DST: variants seen among roughly 807,000 people sequenced by gnomAD.
The protein encoded by DST is bullous pemphigoid antigen.
A neutral mutation model predicts 875.2 loss-of-function variants in DST; 253 were observed. The ratio of observed to expected loss-of-function variants is 0.29; its 90% CI spans 0.26 to 0.32. DST has a LOEUF of 0.32. DST is among the 10% of genes least tolerant of loss of function. The pLI is 1.00. For synonymous variants in DST, 3,124 were observed against 3,197.1 expected, an observed-to-expected ratio of 0.98 and a Z score of 0.77; for missense variants, 8,287 against 9,111.6, an observed-to-expected ratio of 0.91 and a Z score of 3.68.
In DST at chr6:56,605,539, C is replaced by T. The variant is rs746884487; in HGVS notation, c.9089G>A (p.Ser3030Asn). The T allele has an allele frequency of 1.7e-5, 27 of 1,613,058 alleles. No individual in the cohort carries two copies. In the South Asian group the frequency reaches 2.6e-4, roughly 16 times the overall value. ...VTDKDPQGNG[S>N]DLIKGRDGKS... ...GCCATCTCTCCCTTTAATGAGATCG[C>T]TTCCATTTCCTTGAGGATCTTTGTC... Residue 3030 changes from serine (S) to asparagine (N), a missense_variant, in exon 40 of 104, where the codon AGC (serine) becomes AAC (asparagine). Coordinates refer to ENST00000680361, the MANE Select transcript of DST (RefSeq NM_001374736.1).
chr6:56,465,993 A>G, intron 99 of DST, 85 bp downstream of exon 99: 1 of 1,148,466 alleles, frequency 8.7e-7, no homozygotes. Context: ...TAAATGACCA[A>G]AATTATGCCC....
At chr6:56,548,646 GACAA>G (rs1447042766) in intron 61 of DST, among the ~76,000 whole-genome samples, 1 of 152,176 alleles carries the variant, frequency 6.6e-6, no homozygotes, top group Non-Finnish European at 1.5e-5. Flanking sequence ...CCTGCCTAGA[GACAA>G]ACAGAATCGC....
intron 3 of DST, among the ~76,000 whole-genome samples, chr6:56,857,235 C>A (rs1008832178): frequency 6.6e-6 from 1 of 152,088 alleles, no homozygotes; most frequent in Non-Finnish European, 1.5e-5. Flanking sequence ...CCAGGCTGCT[C>A]GCAAACTCCT....
chr6:56,503,911 G>C (rs2096229564), intron 78 of DST, 86 bp downstream of exon 78: 2 of 894,010 alleles, frequency 2.2e-6, no homozygotes, highest in East Asian at 5.6e-5. Flanking sequence ...ACTTACATTA[G>C]GTAAAATAAA....
At chr6:56,590,604 T>C (rs2098254684) in intron 49 of DST, among the ~76,000 whole-genome samples, 2 of 151,714 alleles carry the variant, frequency 1.3e-5, no homozygotes, top group Admixed American at 1.3e-4. Context: ...CTTGTACCTG[T>C]GGAAAGGAGA....
At chr6:56,535,061 A>AT (rs2096968807) in intron 63 of DST, 61 bp downstream of exon 63, 9 of 1,585,808 alleles carry the variant, frequency 5.7e-6, no homozygotes, top group East Asian at 2.3e-5. Flanking sequence ...CACAATTTGC[A>AT]TTTTTTCTCT....
intron 4 of DST, among the ~76,000 whole-genome samples, chr6:56,816,730 G>C (rs2099766995): frequency 6.6e-6 from 1 of 152,056 alleles, no homozygotes; most frequent in Non-Finnish European, 1.5e-5. Flanking sequence ...TCGCAGTCGG[G>C]TTGGTCTATG....
intron 63 of DST, among the ~76,000 whole-genome samples, chr6:56,533,552 AT>A (rs2096935811): frequency 6.6e-6 from 1 of 152,246 alleles, no homozygotes; most frequent in Admixed American, 6.5e-5. Flanking sequence ...TACTAAAGTC[AT>A]GATATAATCA....
chr6:56,597,167 G>A (rs1449567540), intron 47 of DST, among the ~76,000 whole-genome samples: 4 of 151,798 alleles, frequency 2.6e-5, no homozygotes, highest in Non-Finnish European at 4.4e-5. Flanking sequence ...TTGGGCCAGG[G>A]AGTTTGAGGC....
At chr6:56,532,213 G>C in intron 64 of DST, 131 bp downstream of exon 64, 1 of 820,368 alleles carries the variant, frequency 1.2e-6, no homozygotes, top group Middle Eastern at 2.6e-4. Context: ...TACAATCTTT[G>C]CTATCTCTGT....
At chr6:56,678,452 AT>A (rs2099141141) in intron 9 of DST, among the ~76,000 whole-genome samples, 1 of 152,332 alleles carries the variant, frequency 6.6e-6, no homozygotes, top group South Asian at 2.1e-4. Context: ...AAGAAACATA[AT>A]TTTTTCTTCA....
intron 34 of DST, among the ~76,000 whole-genome samples, 170 bp downstream of exon 34, chr6:56,627,034 G>A (rs1401951693): frequency 6.6e-6 from 1 of 152,152 alleles, no homozygotes; most frequent in Non-Finnish European, 1.5e-5. Context: ...CGAATGAACT[G>A]GGGGGCTGTC....
chr6:56,604,981 T>A lies in DST; in HGVS notation c.9647A>T (p.Glu3216Val). The change falls in exon 40 of 104, where the codon GAA becomes GTA. Residue 3216 changes from glutamate (E) to valine (V), a missense_variant. By Grantham distance (121) the Glu-to-Val change is moderately radical. Around this residue, in one of 10 missense-constraint regions of DST, gnomAD observed 3,138 missense variants for 3,116.6 expected, o/e 1.01. Coordinates refer to ENST00000680361, the MANE Select transcript of DST (RefSeq NM_001374736.1). ...ATTATTAACTCCTAATTGTAAATGT[T>A]CTTTCATGGGAGGGGCAGTTATTAA... is the stretch of plus-strand genomic sequence containing the variant. ...HVLITAPPMK[E>V]HLQLGVNNTK... 1 of 1,612,920 alleles carries A rather than the reference T, an allele frequency of 6.2e-7. No individual in the cohort carries two copies. The highest frequency in any genetic ancestry group is 8.5e-7 in the Non-Finnish European group (1 of 1,179,254).
At chr6:56,586,634 C>T (rs1199222304) in intron 49 of DST, among the ~76,000 whole-genome samples, 2 of 152,114 alleles carry the variant, frequency 1.3e-5, no homozygotes, top group East Asian at 1.9e-4. Flanking sequence ...CCCTGACCCC[C>T]GAGCAGCCTA....
At chr6:56,579,538 G>GA (rs1419023311) in intron 49 of DST, among the ~76,000 whole-genome samples, 1 of 152,164 alleles carries the variant, frequency 6.6e-6, no homozygotes, top group South Asian at 2.1e-4. Context: ...AGGTGAGTCT[G>GA]AAAAAATGCT....
At chr6:56,609,394 G>A in intron 39 of DST, 50 bp from the exon 40 acceptor site, 1 of 1,376,914 alleles carries the variant, frequency 7.3e-7, no homozygotes, top group Non-Finnish European at 9.9e-7. Context: ...ACAAGGGTGG[G>A]CGGAGTTTCA....
intron 2 of DST, among the ~76,000 whole-genome samples, chr6:56,902,989 C>T (rs1461393226): frequency 7.2e-6 from 1 of 139,028 alleles, no homozygotes; most frequent in Non-Finnish European, 1.5e-5. Flanking sequence ...CATTTTTTAA[C>T]AAGCTTCTCT....
chr6:56,667,772 C>T (rs1381247336), intron 10 of DST, among the ~76,000 whole-genome samples: 2 of 151,864 alleles, frequency 1.3e-5, no homozygotes, highest in African/African-American at 4.8e-5. Context: ...ATCTCTGACA[C>T]ACAAAATGAA....
chr6:56,825,377 C>A (rs1353995073), intron 4 of DST, among the ~76,000 whole-genome samples: 1 of 150,016 alleles, frequency 6.7e-6, no homozygotes, highest in Non-Finnish European at 1.5e-5. Flanking sequence ...GCCGCAGGGT[C>A]CTCTGCCTAG....
Sources: gnomAD v4.1 joint callset for allele counts (sites outside exome capture counted in the v4.1 genomes callset) on GRCh38, gnomAD v4.1.1 for gene constraint, gnomAD v4.1.1 regional missense constraint, MANE v1.5 for transcripts, NCBI Gene and HGNC (gene_info 2026-07-23, HGNC 2026-07-21) for gene names.